NPAS3: variants seen among roughly 807,000 people sequenced by gnomAD.
NPAS3 encodes neuronal PAS domain protein 3.
NPAS3 carries 14 observed loss-of-function variants against 73.1 expected under a neutral mutation model. The ratio of observed to expected loss-of-function variants is 0.19; its 90% confidence interval spans 0.13 to 0.30. The LOEUF (loss-of-function observed/expected upper bound fraction) is 0.30, where lower values mean the gene tolerates loss of function less well. NPAS3 is among the 10% of genes least tolerant of loss of function. The pLI is 1.00. For synonymous variants in NPAS3, 620 were observed against 541.5 expected (o/e 1.14, Z -2.01); for missense variants, 1,096 against 1,250.0 (o/e 0.88, Z 1.86).
intron 1 of NPAS3, among the ~76,000 whole-genome samples, chr14:33,007,954 C>T (rs2039055150): frequency 6.6e-6 from 1 of 152,110 alleles, no homozygotes; most frequent in Non-Finnish European, 1.5e-5. Context: ...GAGGATAGAG[C>T]TCTAAATTCA....
intron 2 of NPAS3, among the ~76,000 whole-genome samples, chr14:33,203,025 G>A (rs1566672572): frequency 6.6e-6 from 1 of 152,138 alleles, no homozygotes; most frequent in East Asian, 1.9e-4. Flanking sequence ...GGCCTTTCTT[G>A]ACTACTATTT....
chr14:33,726,654 TC>T (rs2061275355), intron 6 of NPAS3, among the ~76,000 whole-genome samples: 1 of 152,154 alleles, frequency 6.6e-6, no homozygotes, highest in African/African-American at 2.4e-5. Context: ...AATTATTGTA[TC>T]TATTTTTGCT....
upstream of NPAS3, among the ~76,000 whole-genome samples, chr14:32,937,542 TCTCTC>T (rs2035736369): frequency 6.6e-6 from 1 of 152,084 alleles, no homozygotes; most frequent in African/African-American, 2.4e-5. Flanking sequence ...CATTTCTCAT[TCTCTC>T]CTACCTGTAG....
chr14:33,632,264 G>C (rs969142176), intron 5 of NPAS3, among the ~76,000 whole-genome samples: 1 of 152,092 alleles, frequency 6.6e-6, no homozygotes, highest in Admixed American at 6.5e-5. Flanking sequence ...AGTTGTTCTC[G>C]AAGCTCGGTA....
At chr14:33,688,374 G>C (rs1566426983) in intron 6 of NPAS3, among the ~76,000 whole-genome samples, 1 of 152,174 alleles carries the variant, frequency 6.6e-6, no homozygotes, top group Admixed American at 6.5e-5. Flanking sequence ...TTCCCAATGT[G>C]TTTGACTGTG....
At chr14:33,080,900 T>C (rs1393638716) in intron 2 of NPAS3, among the ~76,000 whole-genome samples, 1 of 152,246 alleles carries the variant, frequency 6.6e-6, no homozygotes, top group African/African-American at 2.4e-5. Context: ...TGTTGTTCTT[T>C]CTTTTTCACT....
intron 1 of NPAS3, among the ~76,000 whole-genome samples, chr14:33,027,787 A>G (rs1250994932): frequency 6.6e-6 from 1 of 152,154 alleles, no homozygotes; most frequent in Non-Finnish European, 1.5e-5. Flanking sequence ...AGCAATATAC[A>G]TATTTTTAAC....
At chr14:33,268,908 T>C (rs1043312008) in intron 3 of NPAS3, among the ~76,000 whole-genome samples, 18 of 152,188 alleles carry the variant, frequency 1.2e-4, no homozygotes, top group African/African-American at 4.3e-4. Flanking sequence ...AAAGGGCTTT[T>C]TTGCCTCTCT....
intron 6 of NPAS3, among the ~76,000 whole-genome samples, chr14:33,700,048 TG>T (rs780383597): frequency 2.0e-5 from 3 of 152,140 alleles, no homozygotes; most frequent in Non-Finnish European, 2.9e-5. Flanking sequence ...TTGTTCCCTC[TG>T]GGGAAGGTTC....
At chr14:33,053,311 C>G (rs965881786) in intron 1 of NPAS3, among the ~76,000 whole-genome samples, 2 of 152,162 alleles carry the variant, frequency 1.3e-5, no homozygotes, top group African/African-American at 4.8e-5. Flanking sequence ...CCTCCTTTTT[C>G]CCTTAGTTTG....
chr14:33,626,095 C>T (rs548920160), intron 5 of NPAS3, among the ~76,000 whole-genome samples: 7 of 152,266 alleles, frequency 4.6e-5, no homozygotes, highest in East Asian at 3.9e-4. Context: ...TCCCTCTTTG[C>T]GTGTATACGT....
intron 2 of NPAS3, among the ~76,000 whole-genome samples, chr14:33,083,532 G>A (rs535316208): frequency 2.6e-5 from 4 of 152,276 alleles, no homozygotes; most frequent in Admixed American, 2.0e-4. Context: ...GAAGGATGGG[G>A]TGATAGAATT....
chr14:33,471,410 A>C (rs570004162), intron 4 of NPAS3, among the ~76,000 whole-genome samples: 92 of 152,352 alleles, frequency 6.0e-4, no homozygotes, highest in African/African-American at 1.9e-3. Flanking sequence ...GGCAGAAAGC[A>C]CATGACTGTG....
chr14:33,652,536 G>T (rs1595366582), intron 5 of NPAS3, among the ~76,000 whole-genome samples: 2 of 152,164 alleles, frequency 1.3e-5, no homozygotes, highest in Admixed American at 1.3e-4. Context: ...GGCTCGCAGA[G>T]CCCAAGTCAT....
intron 4 of NPAS3, among the ~76,000 whole-genome samples, chr14:33,547,535 C>T (rs771705411): frequency 1.3e-5 from 2 of 152,102 alleles, no homozygotes; most frequent in Non-Finnish European, 2.9e-5. Flanking sequence ...GTAGGATTTA[C>T]GGGAACATTG....
intron 8 of NPAS3, among the ~76,000 whole-genome samples, chr14:33,775,472 C>T (rs1320763585): frequency 6.6e-6 from 1 of 152,148 alleles, no homozygotes; most frequent in African/African-American, 2.4e-5. Context: ...GGGGAACTGA[C>T]CTCTCCAGAG....
At chr14:33,236,342 A>G (rs766400560) in intron 3 of NPAS3, among the ~76,000 whole-genome samples, 8 of 152,024 alleles carry the variant, frequency 5.3e-5, no homozygotes, top group Non-Finnish European at 1.2e-4. Flanking sequence ...AAAGTCTTAA[A>G]GTTATTAGCA....
intron 5 of NPAS3, among the ~76,000 whole-genome samples, chr14:33,647,847 A>G (rs2058878187): frequency 6.6e-6 from 1 of 152,084 alleles, no homozygotes; most frequent in Admixed American, 6.6e-5. Flanking sequence ...GAGCTCATAT[A>G]CTCAGATAAA....
At chr14:33,529,099 C>G (rs1157836552) in intron 4 of NPAS3, among the ~76,000 whole-genome samples, 2 of 152,074 alleles carry the variant, frequency 1.3e-5, no homozygotes, top group African/African-American at 4.8e-5. Context: ...GGTAAATGTT[C>G]TTTCGAAGGG....
Sources: gnomAD v4.1 joint callset for allele counts (sites outside exome capture counted in the v4.1 genomes callset) on GRCh38, gnomAD v4.1.1 for gene constraint, MANE v1.5 for transcripts, NCBI Gene and HGNC (gene_info 2026-07-23, HGNC 2026-07-21) for gene names.